Variants in ATP7B observed in about 807,000 individuals in gnomAD.
The protein encoded by ATP7B is ATPase copper transporting beta.
A neutral mutation model predicts 118.9 loss-of-function variants in ATP7B; 113 were observed. The observed-to-expected ratio is 0.95, with a 90% CI of 0.82 to 1.11. The LOEUF is 1.11. Ranked by LOEUF, ATP7B falls within the 50% of genes most tolerant of loss-of-function variation. The pLI is 0.00. For missense variants in ATP7B, 1,867 were observed against 1,871.4 expected (o/e 1.00, Z 0.04); for synonymous variants, 777 against 727.4 (o/e 1.07, Z -1.10).
intron 1 of ATP7B, among the ~76,000 whole-genome samples, chr13:51,985,954 G>T (rs1377607601): frequency 2.6e-5 from 4 of 152,092 alleles, no homozygotes; most frequent in African/African-American, 2.4e-5. Flanking sequence ...GCCCACAAAA[G>T]AAAGCTGGAA....
rs1957887143 is a variant in ATP7B at position 51,949,877 on chromosome 13, G to A, written c.2731-81C>T. 1.9e-6 allele frequency: 3 copies of A among 1,610,330 alleles called. No homozygotes were observed. In the South Asian group the frequency reaches 3.3e-5, roughly 18 times the overall value. ...CACCACAAGCATGGATAAAGATTGG[G>A]ATAATCTCCTTCATTTAACCACATT... is the stretch of plus-strand genomic sequence containing the variant. On this transcript the variant is annotated intron_variant, in intron 11 of 20. Transcript: ENST00000242839.
At position 51,950,329 on chromosome 13, in the gene ATP7B, G is replaced by T. The variant is rs1017756733; in HGVS notation, c.2518C>A (p.Pro840Thr). The T allele has an allele frequency of 5.0e-6, 8 of 1,614,014 alleles. No homozygotes were observed. The highest frequency in any genetic ancestry group is 5.9e-6 in the Non-Finnish European group (7 of 1,180,032). The change falls in exon 10 of 21, where the codon CCA becomes ACA. Residue 840 changes from proline (P) to threonine (T), a missense_variant. By Grantham distance (38) the Pro-to-Thr change is conservative. Coordinates refer to ENST00000242839, the MANE Select transcript of ATP7B (RefSeq NM_000053.4). ...CCTTCCAGGACTTTCCCATCCACTG[G>T]AAACTTTCCCCCAGGGACCACCTTG... ...IVKVVPGGKF[P>T]VDGKVLEGNT... is the part of the protein sequence containing the mutation.
In ATP7B at chr13:51,965,090, AGCCAGTCCAGGGAGT is replaced by A. The variant is rs1951480598; in HGVS notation, c.1708-72_1708-58del. ...CCCAGGATCAAGGAAAGCCTGTGAA[AGCCAGTCCAGGGAGT>A]CTAGGTAACAGGCAGCCAAGAGCCT... On this transcript the variant is annotated intron_variant, in intron 4 of 20. Transcript: ENST00000242839. The A allele has an allele frequency of 2.2e-5, 35 of 1,608,364 alleles. No individual in the cohort carries two copies. The South Asian group carries it at 3.6e-4, about 17-fold the overall frequency.
chr13:52,010,559 G>A (rs1291271810), intron 1 of ATP7B, among the ~76,000 whole-genome samples: 1 of 152,126 alleles, frequency 6.6e-6, no homozygotes, highest in Non-Finnish European at 1.5e-5. Context: ...CAATCTCTAA[G>A]ATATATCGTT....
At chr13:51,990,679 T>C (rs1308302373) in intron 1 of ATP7B, among the ~76,000 whole-genome samples, 1 of 152,284 alleles carries the variant, frequency 6.6e-6, no homozygotes, top group Non-Finnish European at 1.5e-5. Flanking sequence ...GATTCCATAA[T>C]GACAGATAAC....
At chr13:51,999,818 C>T (rs944751567) in intron 1 of ATP7B, among the ~76,000 whole-genome samples, 1 of 152,182 alleles carries the variant, frequency 6.6e-6, no homozygotes, top group Non-Finnish European at 1.5e-5. Flanking sequence ...CCAACTACCC[C>T]CTAGTCCGCT....
chr13:51,949,424 T>C (rs1325845244), intron 12 of ATP7B, among the ~76,000 whole-genome samples: 1 of 152,218 alleles, frequency 6.6e-6, no homozygotes, highest in African/African-American at 2.4e-5. Flanking sequence ...TGAGCACCAA[T>C]TGGTGTCTGT....
At chr13:51,957,137 A>T (rs1172709717) in intron 9 of ATP7B, among the ~76,000 whole-genome samples, 1 of 152,200 alleles carries the variant, frequency 6.6e-6, no homozygotes, top group Admixed American at 6.5e-5. Flanking sequence ...TTTCTCCTTC[A>T]ATTTTTATTC....
intron 4 of ATP7B, chr13:51,967,151 A>G: frequency 1.3e-6 from 2 of 1,581,460 alleles, no homozygotes; most frequent in Middle Eastern, 2.3e-4. Context: ...GTAGAATAAA[A>G]ATTCCATCAT....
At chr13:51,984,846 C>A (rs923393765) in intron 1 of ATP7B, among the ~76,000 whole-genome samples, 1 of 152,180 alleles carries the variant, frequency 6.6e-6, no homozygotes, top group Non-Finnish European at 1.5e-5. Flanking sequence ...AAATAAAATT[C>A]TTTACAGACA....
rs1336373356 is a variant in ATP7B at position 51,975,054 on chromosome 13, G to C, written c.166C>G (p.Gln56Glu). The change falls in exon 2 of 21, where the codon CAG (glutamine) becomes GAG (glutamate). Residue 56 changes from glutamine (Q) to glutamate (E), a missense_variant. Transcript: ENST00000242839. ...GGLDGLGPSS[Q>E]VATSTVRILG... Reference sequence around the variant, plus strand: ...ATCCTGACTGTGCTGGTGGCCACCTGAGAAGAAGGGCCCAGGCCATCCAGA... The same window carrying C: ...ATCCTGACTGTGCTGGTGGCCACCTCAGAAGAAGGGCCCAGGCCATCCAGA... 1 of 1,614,222 alleles carries C rather than the reference G, an allele frequency of 6.2e-7. No homozygotes were observed. Among genetic ancestry groups the C allele is most frequent in the South Asian group, 1.1e-5 (1 of 91,084 alleles).
At chr13:51,955,324 G>T (rs890348740) in intron 9 of ATP7B, among the ~76,000 whole-genome samples, 13 of 152,164 alleles carry the variant, frequency 8.5e-5, no homozygotes, top group African/African-American at 3.1e-4. Context: ...GCGGCAGTGG[G>T]TGCAGCCTTG....
chr13:51,950,358 A>G lies in ATP7B; in HGVS notation c.2489T>C (p.Ile830Thr). 2 of 1,614,054 alleles carry G rather than the reference A, an allele frequency of 1.2e-6. No individual in the cohort carries two copies. The highest frequency in any genetic ancestry group is 1.3e-5 in the African/African-American group (1 of 74,984). The change falls in exon 10 of 21, where the codon ATC becomes ACC. Residue 830 changes from isoleucine (I) to threonine (T), a missense_variant. Physicochemically the swap from Ile to Thr is moderately conservative, Grantham distance 89. Coordinates refer to ENST00000242839, the MANE Select transcript of ATP7B (RefSeq NM_000053.4). The stretch of plus-strand genomic sequence containing the variant: ...CTTTCCCCCAGGGACCACCTTGACG[A>G]TATCGCCCCGCTGCACCAGCTCCAT... ...VPMELVQRGDIVKVVPGGKFP... is the reference protein window; with the variant it reads ...VPMELVQRGDTVKVVPGGKFP...
chr13:51,970,485 C>T lies in ATP7B; in HGVS notation c.1543+7G>A. The T allele has an allele frequency of 6.2e-7, 1 of 1,614,212 alleles. No homozygotes were observed. Among genetic ancestry groups the T allele is most frequent in the East Asian group, 2.2e-5 (1 of 44,888 alleles). ...TCCTAAGTTCAACATGGGCGTTCAT[C>T]TCTTACCAGCTTCTTTCTGCAGATT... On this transcript the variant is annotated splice_region_variant and intron_variant, in intron 3 of 20. Transcript: ENST00000242839.
At chr13:51,983,162 T>C (rs552898964) in intron 1 of ATP7B, among the ~76,000 whole-genome samples, 1 of 152,262 alleles carries the variant, frequency 6.6e-6, no homozygotes, top group South Asian at 2.1e-4. Context: ...TAAGATCCAC[T>C]GGTTTGAAAT....
chr13:51,996,450 C>A (rs1278678337), intron 1 of ATP7B, among the ~76,000 whole-genome samples: 1 of 152,200 alleles, frequency 6.6e-6, no homozygotes. Context: ...AGGAACAGCT[C>A]CACCACAGCC....
At chr13:51,951,136 T>C (rs558337513) in intron 9 of ATP7B, among the ~76,000 whole-genome samples, 2 of 152,038 alleles carry the variant, frequency 1.3e-5, no homozygotes, top group South Asian at 4.2e-4. Flanking sequence ...AGTCAGGCTG[T>C]TGCAGCAGCC....
At chr13:52,007,684 C>G (rs1172870796) in intron 1 of ATP7B, among the ~76,000 whole-genome samples, 1 of 152,134 alleles carries the variant, frequency 6.6e-6, no homozygotes, top group Non-Finnish European at 1.5e-5. Context: ...GCCCACAAGA[C>G]CACAAGAATG....
In ATP7B at chr13:51,961,908, A is replaced by G. The variant is rs756958229; in HGVS notation, c.1875T>C (p.Ile625=). ...TCTGGGCCAGGGAAGCATGAAAGCC[A>G]ATTTCCTTGTCATTAAAAAGAGAGG... is the stretch of plus-strand genomic sequence containing the variant. ...PRDIIKIIEE[I]GFHASLAQRN... The change falls in exon 6 of 21, where the codon ATT becomes ATC. Residue 625 remains isoleucine (I), a synonymous_variant. Transcript: ENST00000242839. 2.9e-5 allele frequency: 47 copies of G among 1,613,512 alleles called. No individual in the cohort carries two copies. The highest frequency in any genetic ancestry group is 3.9e-5 in the Non-Finnish European group (46 of 1,179,554).
Sources: allele counts gnomAD v4.1 joint callset (sites outside exome capture counted in the v4.1 genomes callset), GRCh38; gene constraint gnomAD v4.1.1; transcripts MANE v1.5; gene names NCBI Gene and HGNC (gene_info 2026-07-23, HGNC 2026-07-21).